The following TRPM3 variants were observed in gnomAD, a reference collection of about 807,000 sequenced individuals.
TRPM3 encodes the protein long transient receptor potential channel 3.
TRPM3 carries 77 observed loss-of-function variants against 181.2 expected under a neutral mutation model. The ratio of observed to expected loss-of-function variants is 0.42; its 90% CI spans 0.35 to 0.51. TRPM3 has a LOEUF of 0.51. Among genes scored for constraint, TRPM3 ranks in the 20% least tolerant of loss-of-function variants. TRPM3 has a pLI of 0.01. For synonymous variants in TRPM3, 745 were observed against 796.4 expected (o/e 0.94, Z 1.09); for missense variants, 1,759 against 2,196.7 (o/e 0.80, Z 3.98).
chr9:71,389,850 G>A lies in TRPM3; in HGVS notation c.183+56803C>T, dbSNP rs182823223. Among the ~76,000 whole-genome samples, 11 of 152,092 alleles carry A rather than the reference G, an allele frequency of 7.2e-5. No homozygotes were observed. In the East Asian group the frequency reaches 1.9e-3, roughly 27 times the overall value. ...AGTTGAGGGGAAGAGTAGGAATGGG[G>A]CAAGGGATAGAAGACTACAAATATG... On this transcript the variant is annotated intron_variant, in intron 1 of 24. Transcript: ENST00000357533.
intron 1 of TRPM3, among the ~76,000 whole-genome samples, chr9:71,257,957 A>C (rs1178965154): frequency 6.6e-6 from 1 of 152,168 alleles, no homozygotes; most frequent in Non-Finnish European, 1.5e-5. Flanking sequence ...TTACGTGTTA[A>C]ATTGCATTGT....
intron 1 of TRPM3, among the ~76,000 whole-genome samples, chr9:70,973,719 C>T (rs983772229): frequency 6.6e-6 from 1 of 152,164 alleles, no homozygotes; most frequent in African/African-American, 2.4e-5. Flanking sequence ...GGCTATTAAA[C>T]ATCACTCACC....
chr9:71,186,120 C>T (rs1011079091), intron 1 of TRPM3, among the ~76,000 whole-genome samples: 2 of 152,000 alleles, frequency 1.3e-5, no homozygotes, highest in East Asian at 1.9e-4. Context: ...CCTTGTGCCT[C>T]TCAACCTTCA....
At chr9:70,841,658 A>ATC in intron 5 of TRPM3, among the ~76,000 whole-genome samples, 1 of 114,130 alleles carries the variant, frequency 8.8e-6, no homozygotes, top group African/African-American at 3.6e-5. Context: ...ATATATATAT[A>ATC]TATCCCACCA....
intron 1 of TRPM3, among the ~76,000 whole-genome samples, chr9:71,004,318 T>C (rs748489602): frequency 2.0e-5 from 3 of 152,246 alleles, no homozygotes; most frequent in Non-Finnish European, 4.4e-5. Flanking sequence ...GGTGATTAAG[T>C]AGTGGCACTA....
At chr9:70,908,207 C>A (rs933165038) in intron 1 of TRPM3, among the ~76,000 whole-genome samples, 6 of 152,152 alleles carry the variant, frequency 3.9e-5, no homozygotes, top group African/African-American at 7.2e-5. Flanking sequence ...CTCCCAGGAA[C>A]CTGTGTATTT....
At chr9:71,437,230 G>A (rs555222488) in intron 1 of TRPM3, among the ~76,000 whole-genome samples, 1 of 152,182 alleles carries the variant, frequency 6.6e-6, no homozygotes, top group East Asian at 1.9e-4. Context: ...AATTATTTCA[G>A]CTAATAAATG....
At chr9:71,004,451 T>A (rs1590519590) in intron 1 of TRPM3, among the ~76,000 whole-genome samples, 1 of 152,200 alleles carries the variant, frequency 6.6e-6, no homozygotes, top group African/African-American at 2.4e-5. Context: ...AGAATGGCGG[T>A]TAAGCTCCAG....
intron 1 of TRPM3, among the ~76,000 whole-genome samples, chr9:70,958,823 A>T (rs201584761): frequency 1.3e-5 from 2 of 151,718 alleles, no homozygotes; most frequent in African/African-American, 4.8e-5. Context: ...AATACTATGT[A>T]GCCATAAAAA....
chr9:71,124,951 A>G (rs911017982), upstream of TRPM3, among the ~76,000 whole-genome samples: 3 of 152,208 alleles, frequency 2.0e-5, no homozygotes, highest in Admixed American at 2.0e-4. Context: ...TTATTACAAC[A>G]TTAAAATTCA....
intron 1 of TRPM3, among the ~76,000 whole-genome samples, chr9:71,229,943 C>T (rs931468018): frequency 2.6e-5 from 4 of 151,856 alleles, no homozygotes; most frequent in South Asian, 2.1e-4. Context: ...GTATATACAC[C>T]GGAGAAAGGA....
intron 1 of TRPM3, among the ~76,000 whole-genome samples, chr9:71,139,767 T>A (rs940319357): frequency 6.6e-6 from 1 of 152,164 alleles, no homozygotes; most frequent in South Asian, 2.1e-4. Context: ...GGACACGTAC[T>A]CTTAGTTGGC....
rs1296976752 is a variant in TRPM3, at chr9:71,415,864, G to GA, written c.183+30788dup. Reference sequence around the variant, plus strand: ...AAACACTAAGAATAAAATAGTACTAGAAAAAAAATGTGAGAAGATTATTTC... The same window carrying GA: ...AAACACTAAGAATAAAATAGTACTAGAAAAAAAAATGTGAGAAGATTATTTC... On this transcript the variant is annotated intron_variant, in intron 1 of 24. Coordinates refer to the TRPM3 transcript ENST00000357533. Among the ~76,000 whole-genome samples, 8 of 151,304 alleles carry GA rather than the reference G, an allele frequency of 5.3e-5. No individual in the cohort carries two copies. In the East Asian group the frequency reaches 5.8e-4, roughly 11 times the overall value.
chr9:70,898,397 C>T (rs2096320262), intron 1 of TRPM3, among the ~76,000 whole-genome samples: 1 of 151,182 alleles, frequency 6.6e-6, no homozygotes, highest in Non-Finnish European at 1.5e-5. Flanking sequence ...GCTGAGATTA[C>T]AGGCGTGAGC....
intron 1 of TRPM3, among the ~76,000 whole-genome samples, chr9:70,971,747 T>C (rs2097249872): frequency 6.6e-6 from 1 of 152,130 alleles, no homozygotes; most frequent in South Asian, 2.1e-4. Context: ...TAAGGAACCA[T>C]TTGGGAAGTA....
At chr9:70,843,257 T>C (rs572726659) in intron 4 of TRPM3, 130 bp from the exon 5 acceptor site, 1 of 933,338 alleles carries the variant, frequency 1.1e-6, no homozygotes, top group East Asian at 2.6e-5. Context: ...CACATTTCTA[T>C]ACAAACTACT....
chr9:71,028,634 A>C (rs2056893710), intron 1 of TRPM3, among the ~76,000 whole-genome samples: 1 of 152,068 alleles, frequency 6.6e-6, no homozygotes, highest in Admixed American at 6.5e-5. Flanking sequence ...CCAAATGAAA[A>C]AAAAAAAAAA....
intron 18 of TRPM3, among the ~76,000 whole-genome samples, chr9:70,614,142 A>G (rs1454171212): frequency 1.3e-5 from 2 of 152,114 alleles, no homozygotes; most frequent in Non-Finnish European, 2.9e-5. Flanking sequence ...TTTGCCATGA[A>G]CAGGCTGGGT....
intron 22 of TRPM3, among the ~76,000 whole-genome samples, chr9:70,560,910 G>A (rs890625476): frequency 2.0e-5 from 3 of 152,134 alleles, no homozygotes; most frequent in African/African-American, 7.2e-5. Context: ...CCTATAATAT[G>A]CAGGGAAAAG....
Sources: gnomAD v4.1 joint callset for allele counts (sites outside exome capture counted in the v4.1 genomes callset) on GRCh38, gnomAD v4.1.1 for gene constraint, MANE v1.5 for transcripts, NCBI Gene and HGNC (gene_info 2026-07-23, HGNC 2026-07-21) for gene names.